ADAM9: variants seen among roughly 807,000 people sequenced by gnomAD.
ADAM9 encodes disintegrin and metalloproteinase domain-containing protein 9.
A neutral mutation model predicts 108.1 loss-of-function variants in ADAM9; 54 were observed. The ratio of observed to expected loss-of-function variants is 0.50; its 90% CI spans 0.40 to 0.63. The LOEUF is 0.63. ADAM9 is among the 20% of genes least tolerant of loss of function. The probability of loss-of-function intolerance (pLI) is 0.00; values close to 1 mark genes in which losing one functional copy is unlikely to be tolerated. For missense variants in ADAM9, 830 were observed against 997.7 expected, an observed-to-expected ratio of 0.83 and a Z score of 2.26; for synonymous variants, 316 against 336.0, an observed-to-expected ratio of 0.94 and a Z score of 0.65.
intron 8 of ADAM9, 74 bp downstream of exon 8, chr8:39,021,788 C>A: frequency 7.4e-7 from 1 of 1,355,254 alleles, no homozygotes; most frequent in Non-Finnish European, 1.1e-6. Flanking sequence ...TTAAAAATGT[C>A]TCATTTTGAG....
intron 1 of ADAM9, among the ~76,000 whole-genome samples, chr8:39,006,753 A>T (rs1161417656): frequency 1.3e-5 from 2 of 152,056 alleles, no homozygotes; most frequent in African/African-American, 4.8e-5. Flanking sequence ...CCTGCTTAAG[A>T]CATCATGATT....
Position 39,083,013 on chromosome 8 carries a change from C to T in ADAM9, c.2008C>T (p.Pro670Ser), listed in dbSNP as rs764506963. The T allele has an allele frequency of 1.2e-6, 2 of 1,613,782 alleles. No homozygotes were observed. The highest frequency in any genetic ancestry group is 1.7e-5 in the Admixed American group (1 of 59,996). ...TTGTCACTGTGAAAATGGCTGGGCT[C>T]CCCCAAATTGTGAGACTAAAGGATA... Reference protein sequence around the residue: ...KNCHCENGWAPPNCETKGYGG... With the variant: ...KNCHCENGWASPNCETKGYGG... The change falls in exon 18 of 22, where the codon CCC becomes TCC. Residue 670 changes from proline (P) to serine (S), a missense_variant. Transcript: ENST00000487273.
chr8:39,077,320 G>T lies in ADAM9; in HGVS notation c.1790G>T (p.Gly597Val), dbSNP rs752156555. ...VPAIIQTPSR[G>V]TKCWGVDFQL... ...GCTATTATTCAAACGCCTAGTCGAG[G>T]CACCAAATGTTGGGGTGTGGATTTC... The change falls in exon 16 of 22, where the codon GGC becomes GTC. Residue 597 changes from glycine (G) to valine (V), a missense_variant. Gly to Val is a moderately radical substitution (Grantham distance 109). Around this residue, in one of 3 missense-constraint regions of ADAM9, gnomAD observed 381 missense variants for 539.8 expected, o/e 0.71. Coordinates refer to ENST00000487273, the MANE Select transcript of ADAM9 (RefSeq NM_003816.3). 2.6e-5 allele frequency: 42 copies of T among 1,613,990 alleles called. No homozygotes were observed. Among genetic ancestry groups the T allele is most frequent in the Non-Finnish European group, 2.8e-5 (33 of 1,180,004 alleles).
intron 14 of ADAM9, among the ~76,000 whole-genome samples, chr8:39,062,212 A>AG (rs1192862226): frequency 1.3e-5 from 2 of 152,172 alleles, no homozygotes; most frequent in East Asian, 1.9e-4. Context: ...CCCTGGTAAA[A>AG]GCCATAGGTC....
chr8:39,040,593 T>C (rs1214172758), intron 11 of ADAM9, among the ~76,000 whole-genome samples: 1 of 152,204 alleles, frequency 6.6e-6, no homozygotes, highest in Non-Finnish European at 1.5e-5. Context: ...ATAAGATACA[T>C]GGTTATAAGA....
At chr8:39,075,841 T>G (rs1262472137) in intron 15 of ADAM9, 1 of 152,174 alleles carries the variant, frequency 6.6e-6, no homozygotes, top group Admixed American at 6.5e-5. Context: ...TAGGCATCAT[T>G]TATCTCATTT....
At chr8:39,073,956 C>T (rs1044045941) in intron 15 of ADAM9, among the ~76,000 whole-genome samples, 1 of 152,180 alleles carries the variant, frequency 6.6e-6, no homozygotes, top group East Asian at 1.9e-4. Context: ...AATTACTTCA[C>T]ATACATACCT....
chr8:39,089,015 C>T (rs182595758), intron 18 of ADAM9, among the ~76,000 whole-genome samples: 89 of 152,154 alleles, frequency 5.8e-4, no homozygotes, highest in Non-Finnish European at 9.3e-4. Context: ...TTAGGGAGGC[C>T]GAGGCGGGCA....
At chr8:39,095,844 A>G (rs976977407) in intron 20 of ADAM9, among the ~76,000 whole-genome samples, 1 of 152,140 alleles carries the variant, frequency 6.6e-6, no homozygotes, top group Non-Finnish European at 1.5e-5. Flanking sequence ...TATCCTTGTG[A>G]TGAATCGACA....
chr8:39,102,108 A>G (rs1226852210), intron 21 of ADAM9, among the ~76,000 whole-genome samples, 178 bp downstream of exon 21: 1 of 152,212 alleles, frequency 6.6e-6, no homozygotes, highest in Non-Finnish European at 1.5e-5. Context: ...TCATATTGGT[A>G]CAGGGTCAAA....
chr8:39,012,044 C>T (rs1836372470), intron 3 of ADAM9, among the ~76,000 whole-genome samples: 1 of 152,156 alleles, frequency 6.6e-6, no homozygotes, highest in South Asian at 2.1e-4. Flanking sequence ...GACTAAGGTT[C>T]CACAGGCTAC....
At chr8:39,100,492 CAAAA>C (rs1186138731) in intron 20 of ADAM9, among the ~76,000 whole-genome samples, 3 of 103,142 alleles carry the variant, frequency 2.9e-5, no homozygotes, top group Admixed American at 1.1e-4. Context: ...GACTCCGTCT[CAAAA>C]AAAAAAAAAA....
At position 39,048,189 on chromosome 8, in the gene ADAM9, C is replaced by T. The variant is rs1837836957; in HGVS notation, c.1302+6072C>T. Reference sequence around the variant, plus strand: ...ACCCGCCTTGGTCTGGGATTACAGGCGTGAGCCACCACATCTGTCCTCCTT... The same window carrying T: ...ACCCGCCTTGGTCTGGGATTACAGGTGTGAGCCACCACATCTGTCCTCCTT... On this transcript the variant is annotated intron_variant, in intron 12 of 21. Transcript: ENST00000487273. Among the ~76,000 whole-genome samples the T allele has an allele frequency of 3.3e-5, 5 of 152,218 alleles. No homozygotes were observed. The South Asian group carries it at 8.3e-4, about 25-fold the overall frequency.
intron 12 of ADAM9, among the ~76,000 whole-genome samples, chr8:39,052,884 T>C (rs1838002467): frequency 1.3e-5 from 2 of 152,150 alleles, no homozygotes; most frequent in South Asian, 4.1e-4. Context: ...ATGGTAGAGG[T>C]ATTTAACTTT....
intron 9 of ADAM9, 149 bp downstream of exon 9, chr8:39,023,474 C>A: frequency 2.5e-6 from 2 of 811,364 alleles, no homozygotes; most frequent in South Asian, 3.9e-5. Flanking sequence ...TATCATGAGA[C>A]CTCTTCTGTT....
At position 39,016,289 on chromosome 8, in the gene ADAM9, A is replaced by T. The variant is rs1164788387; in HGVS notation, c.410+95A>T. On this transcript the variant is annotated intron_variant, in intron 5 of 21. Coordinates refer to ENST00000487273, the MANE Select transcript of ADAM9 (RefSeq NM_003816.3). ...CCAAATTAAATCATTTTGGGCACTT[A>T]GCAAAATTGGAATTTACTTTGATGT... The T allele has an allele frequency of 2.7e-6, 3 of 1,128,936 alleles. No homozygotes were observed. The Admixed American group carries it at 5.2e-5, about 19-fold the overall frequency. The allele number at this position is 1,128,936 out of a possible 1,614,324, so 69.9% of individuals were successfully genotyped here.
Position 39,046,446 on chromosome 8 carries a change from C to G in ADAM9, c.1302+4329C>G, listed in dbSNP as rs539435259. Among the ~76,000 whole-genome samples the G allele has an allele frequency of 2.6e-5, 4 of 152,134 alleles. No individual in the cohort carries two copies. The East Asian group carries it at 5.8e-4, about 22-fold the overall frequency. On this transcript the variant is annotated intron_variant, in intron 12 of 21. Coordinates refer to ENST00000487273, the MANE Select transcript of ADAM9 (RefSeq NM_003816.3). ...TTTTGCTTCATTTCCGATTTAGATG[C>G]CTTTTAGTTTTTCTTGCTAATTGTT...
intron 13 of ADAM9, 28 bp downstream of exon 13, chr8:39,054,601 G>GCA: frequency 1.2e-5 from 9 of 752,286 alleles, no homozygotes; most frequent in East Asian, 8.4e-5. Flanking sequence ...TTTGGAAACA[G>GCA]GAAAAAAAAA....
rs1471072856 is a variant in ADAM9, at chr8:39,045,370, G to C, written c.1302+3253G>C. 9.2e-4 allele frequency among the ~76,000 whole-genome samples: 48 copies of C among 52,128 alleles called. 8 individuals are homozygous for C. The highest frequency in any genetic ancestry group is 4.9e-3 in the East Asian group (5 of 1,022). 34.2% of individuals were successfully genotyped at this position (52,128 alleles called of 152,430 possible). A position where few individuals can be genotyped will look rare whatever the true frequency, so the allele number is the denominator to read the frequency against. On this transcript the variant is annotated intron_variant, in intron 12 of 21. Transcript: ENST00000487273. ...TGTGTGTACATACATATAGGTGTGT[G>C]TACATACACCTATAGGTGTGTGTAC... is the stretch of plus-strand genomic sequence containing the variant.
Sources: gnomAD v4.1 joint callset for allele counts (sites outside exome capture counted in the v4.1 genomes callset) on GRCh38, gnomAD v4.1.1 for gene constraint, gnomAD v4.1.1 regional missense constraint, MANE v1.5 for transcripts, NCBI Gene and HGNC (gene_info 2026-07-23, HGNC 2026-07-21) for gene names.